Variants in GDAP1 observed in about 807,000 individuals in gnomAD.
The protein encoded by GDAP1 is ganglioside-induced differentiation-associated protein 1.
A neutral mutation model predicts 40.1 loss-of-function variants in GDAP1; 34 were observed. That is an observed-to-expected ratio of 0.85 (90% confidence interval 0.64 to 1.13). The LOEUF (loss-of-function observed/expected upper bound fraction) is 1.13, where lower values mean the gene tolerates loss of function less well. Ranked by LOEUF, GDAP1 falls within the 50% of genes most tolerant of loss-of-function variation. The pLI is 0.00. For synonymous variants in GDAP1, 170 were observed against 157.4 expected, an observed-to-expected ratio of 1.08 and a Z score of -0.60; for missense variants, 374 against 433.7, an observed-to-expected ratio of 0.86 and a Z score of 1.22.
At position 74,363,053 on chromosome 8, in the gene GDAP1, G is replaced by C. The variant is rs1199307169; in HGVS notation, c.694G>C (p.Glu232Gln). 2 of 1,305,470 alleles carry C rather than the reference G, an allele frequency of 1.5e-6. No individual in the cohort carries two copies. Among genetic ancestry groups the C allele is most frequent in the South Asian group, 2.4e-5 (2 of 84,812 alleles). 80.9% of individuals were successfully genotyped at this position (1,305,470 alleles called of 1,614,324 possible). ...ELQRRNEETP[E>Q]EGQQPWLCGE... ...GCAAAGAAGAAATGAAGAAACCCCA[G>C]GTAGGTTCTCATTTATATTCTTTCT... Residue 232 changes from glutamate to glutamine, a missense_variant and splice_region_variant, in exon 5 of 6, where the codon GAA becomes CAA. By Grantham distance (29) the Glu-to-Gln change is conservative (BLOSUM62 2). Transcript: ENST00000220822.
chr8:74,354,024 A>G (rs1034110710), intron 2 of GDAP1, among the ~76,000 whole-genome samples: 7 of 152,166 alleles, frequency 4.6e-5, no homozygotes, highest in African/African-American at 1.7e-4. Flanking sequence ...TAAGTAGAAC[A>G]TTTGCGATTA....
chr8:74,408,562 C>A (rs973366338), intron 2 of GDAP1, among the ~76,000 whole-genome samples: 1 of 150,034 alleles, frequency 6.7e-6, no homozygotes, highest in Non-Finnish European at 1.5e-5. Context: ...AGCCAGGAAA[C>A]ACATCCTCAC....
At chr8:74,359,163 G>T (rs1469566833) in intron 2 of GDAP1, among the ~76,000 whole-genome samples, 1 of 152,188 alleles carries the variant, frequency 6.6e-6, no homozygotes, top group Non-Finnish European at 1.5e-5. Flanking sequence ...GGAATCAGAT[G>T]ACTTTAGTTC....
At chr8:74,437,112 A>G (rs1054925841) in intron 2 of GDAP1, among the ~76,000 whole-genome samples, 1 of 152,206 alleles carries the variant, frequency 6.6e-6, no homozygotes, top group African/African-American at 2.4e-5. Flanking sequence ...TCATGGAATA[A>G]CATCCAAATT....
intron 2 of GDAP1, among the ~76,000 whole-genome samples, chr8:74,446,703 A>T (rs1183511063): frequency 2.0e-5 from 3 of 152,238 alleles, no homozygotes; most frequent in African/African-American, 7.2e-5. Context: ...TGGTAAATTC[A>T]TACAATGAAA....
intron 2 of GDAP1, among the ~76,000 whole-genome samples, chr8:74,472,986 GA>G (rs1444362799): frequency 2.0e-5 from 3 of 152,082 alleles, no homozygotes; most frequent in African/African-American, 7.2e-5. Context: ...ATGGACTCAA[GA>G]AATCTGCTAG....
At chr8:74,486,804 A>C (rs555904705) in intron 2 of GDAP1, among the ~76,000 whole-genome samples, 1 of 152,170 alleles carries the variant, frequency 6.6e-6, no homozygotes, top group African/African-American at 2.4e-5. Context: ...CCTATGACTT[A>C]AATCAAGTCA....
intron 2 of GDAP1, among the ~76,000 whole-genome samples, chr8:74,355,647 A>G (rs964554227): frequency 4.6e-5 from 7 of 152,218 alleles, no homozygotes; most frequent in Non-Finnish European, 7.4e-5. Flanking sequence ...TATTGTACTC[A>G]TAACCTCTTT....
At chr8:74,432,001 C>T (rs73331347) in intron 2 of GDAP1, among the ~76,000 whole-genome samples, 3,961 of 152,228 alleles carry the variant, frequency 0.026, 175 homozygotes, top group African/African-American at 0.088. Context: ...ATTTGGAGCA[C>T]ATTTTGTCAC....
chr8:74,459,277 A>G (rs1364439289), intron 2 of GDAP1, among the ~76,000 whole-genome samples: 1 of 152,216 alleles, frequency 6.6e-6, no homozygotes, highest in Non-Finnish European at 1.5e-5. Flanking sequence ...TAATGGAAAT[A>G]ATGAGGAGAA....
rs190777043 is a variant in GDAP1, at chr8:74,364,414, A to G, written c.*47A>G. The G allele has an allele frequency of 8.5e-5, 134 of 1,584,654 alleles. No homozygotes were observed. The Admixed American group carries it at 2.2e-3, about 26-fold the overall frequency. On this transcript the variant is annotated 3_prime_UTR_variant, in exon 6 of 6. Coordinates refer to ENST00000220822, the MANE Select transcript of GDAP1 (RefSeq NM_018972.4). ...GCAGCTCATCCAAGCATTTAGCTAG[A>G]CCCTGTGATTGCCCGTGGCTCTCTG...
intron 2 of GDAP1, among the ~76,000 whole-genome samples, chr8:74,479,054 G>A (rs1806672939): frequency 6.6e-6 from 1 of 152,166 alleles, no homozygotes; most frequent in African/African-American, 2.4e-5. Flanking sequence ...TGGTCCCTTA[G>A]TGGAAGATAC....
intron 2 of GDAP1, among the ~76,000 whole-genome samples, chr8:74,418,567 T>C (rs999499608): frequency 3.3e-5 from 5 of 152,330 alleles, no homozygotes; most frequent in African/African-American, 9.6e-5. Flanking sequence ...CAAGTAACTA[T>C]AAAAGTTTTA....
At chr8:74,435,581 G>A (rs1337710699) in intron 2 of GDAP1, among the ~76,000 whole-genome samples, 1 of 152,202 alleles carries the variant, frequency 6.6e-6, no homozygotes, top group Non-Finnish European at 1.5e-5. Flanking sequence ...ACTAAAGCAG[G>A]TTGTATTAAA....
chr8:74,435,462 T>C (rs1424342697), intron 2 of GDAP1, among the ~76,000 whole-genome samples: 1 of 152,222 alleles, frequency 6.6e-6, no homozygotes, highest in Non-Finnish European at 1.5e-5. Context: ...TGTGCCTGTC[T>C]TTGCTTCTTA....
At chr8:74,454,908 A>C (rs1233447970) in intron 2 of GDAP1, among the ~76,000 whole-genome samples, 2 of 151,944 alleles carry the variant, frequency 1.3e-5, no homozygotes, top group Admixed American at 1.3e-4. Context: ...TCTTCTTTAG[A>C]TAGTATGGTT....
intron 2 of GDAP1, among the ~76,000 whole-genome samples, chr8:74,455,941 A>T (rs1046307749): frequency 6.6e-6 from 1 of 151,982 alleles, no homozygotes; most frequent in Non-Finnish European, 1.5e-5. Context: ...ATATTTAGTG[A>T]TTATAAATGA....
At chr8:74,357,816 C>T (rs1043360439) in intron 2 of GDAP1, among the ~76,000 whole-genome samples, 7 of 152,052 alleles carry the variant, frequency 4.6e-5, no homozygotes, top group African/African-American at 1.2e-4. Context: ...GATTGAGGTA[C>T]ATTACTGAGA....
At chr8:74,387,926 A>G (rs949929435) in intron 2 of GDAP1, among the ~76,000 whole-genome samples, 1 of 151,600 alleles carries the variant, frequency 6.6e-6, no homozygotes, top group African/African-American at 2.4e-5. Flanking sequence ...GTATGTGTCA[A>G]GGAATTTATC....
Sources: gnomAD v4.1 joint callset for allele counts (sites outside exome capture counted in the v4.1 genomes callset) on GRCh38, gnomAD v4.1.1 for gene constraint, MANE v1.5 for transcripts, NCBI Gene and HGNC (gene_info 2026-07-23, HGNC 2026-07-21) for gene names.